MYBPC3: variants seen among roughly 807,000 people sequenced by gnomAD.
The protein encoded by MYBPC3 is myosin-binding protein C, cardiac-type.
A neutral mutation model predicts 159.3 loss-of-function variants in MYBPC3; 108 were observed. The observed-to-expected ratio is 0.68, with a 90% confidence interval of 0.58 to 0.80. The LOEUF (loss-of-function observed/expected upper bound fraction) is 0.80. Ranked by LOEUF, MYBPC3 falls within the 30% of genes least tolerant of loss-of-function variation. The pLI is 0.00. For missense variants in MYBPC3, 1,631 were observed against 1,762.1 expected (o/e 0.93, Z 1.33); for synonymous variants, 730 against 702.0 (o/e 1.04, Z -0.63).
Position 47,346,498 on chromosome 11 carries a change from C to T in MYBPC3, c.927-128G>A. ...TGCCCCTTCCCTTCTGGTGGGGCAG[C>T]TGGAGCTGCTCTGGGTCCCAGGCCA... On this transcript the variant is annotated intron_variant, in intron 11 of 34. Coordinates refer to ENST00000545968, the MANE Select transcript of MYBPC3 (RefSeq NM_000256.3). The surrounding 1 kb of genome is among the most constrained non-coding windows in gnomAD (Gnocchi z 5.3). The T allele has an allele frequency of 6.9e-7, 1 of 1,453,468 alleles. No individual in the cohort carries two copies. Among genetic ancestry groups the T allele is most frequent in the Non-Finnish European group, 9.2e-7 (1 of 1,088,356 alleles). The allele number at this position is 1,453,468 out of a possible 1,614,324, so 90.0% of individuals were successfully genotyped here. A position where few individuals can be genotyped will look rare whatever the true frequency, so the allele number is the denominator to read the frequency against.
intron 20 of MYBPC3, among the ~76,000 whole-genome samples, chr11:47,340,430 C>T (rs957038626): frequency 6.6e-6 from 1 of 152,144 alleles, no homozygotes; most frequent in African/African-American, 2.4e-5. Context: ...TTTGGGAGGC[C>T]GAGGCAGGCA....
Position 47,350,458 on chromosome 11 carries a change from G to A in MYBPC3, c.406+44C>T, listed in dbSNP as rs1418743407. The stretch of plus-strand genomic sequence containing the variant: ...GGCTTTTGAGACCTGCCCTGGACAC[G>A]CCCTACCCACGGATCCTGCCCCTCC... On this transcript the variant is annotated intron_variant, in intron 3 of 34. Transcript: ENST00000545968. 2.1e-5 allele frequency: 32 copies of A among 1,541,310 alleles called. No homozygotes were observed. The East Asian group carries it at 2.7e-4, about 13-fold the overall frequency.
At chr11:47,334,426 A>G (rs1426136416) in intron 27 of MYBPC3, among the ~76,000 whole-genome samples, 2 of 152,334 alleles carry the variant, frequency 1.3e-5, no homozygotes, top group African/African-American at 4.8e-5. Context: ...TGGATCCCAG[A>G]GGGACCAATC....
chr11:47,342,023 G>A lies in MYBPC3; in HGVS notation c.1758C>T (p.Pro586=), dbSNP rs727505203. 54 of 1,593,222 alleles carry A rather than the reference G, an allele frequency of 3.4e-5. No individual in the cohort carries two copies. Among genetic ancestry groups the A allele is most frequent in the Admixed American group, 5.4e-5 (3 of 56,014 alleles). Residue 586 remains proline (P), a synonymous_variant, in exon 18 of 35, where the codon CCC becomes CCT. Coordinates refer to ENST00000545968, the MANE Select transcript of MYBPC3 (RefSeq NM_000256.3). The part of the protein sequence containing the change: ...VWLKNGKELV[P]DSRIKVSHIG... ...TGTGGGACACCTTTATGCGGCTGTCGGGCACCAGCTCCTTCCCATTCTTCA... is the reference window on the plus strand; with the variant it reads ...TGTGGGACACCTTTATGCGGCTGTCAGGCACCAGCTCCTTCCCATTCTTCA...
Position 47,337,762 on chromosome 11 carries a change from T to C in MYBPC3, c.2341A>G (p.Ser781Gly), listed in dbSNP as rs2095884011. ...GTGCAGGAGTCCTCTCCCACGTTGC[T>C]GATCTTGGGGGCCGCAGGTGCGTCT... Reference protein sequence around the residue: ...VPDAPAAPKISNVGEDSCTVQ... With the variant: ...VPDAPAAPKIGNVGEDSCTVQ... Residue 781 changes from serine (S) to glycine (G), a missense_variant, in exon 24 of 35, where the codon AGC (serine) becomes GGC (glycine). Ser to Gly is a moderately conservative substitution (Grantham distance 56, BLOSUM62 0). Transcript: ENST00000545968. 1 of 1,554,646 alleles carries C rather than the reference T, an allele frequency of 6.4e-7. No homozygotes were observed. The highest frequency in any genetic ancestry group is 8.7e-7 in the Non-Finnish European group (1 of 1,148,940).
Position 47,339,376 on chromosome 11 carries a change from G to A in MYBPC3, c.2096C>T (p.Pro699Leu). The A allele has an allele frequency of 6.2e-7, 1 of 1,614,024 alleles. No individual in the cohort carries two copies. Among genetic ancestry groups the A allele is most frequent in the African/African-American group, 1.3e-5 (1 of 75,064 alleles). ...GTCACCTGTGTCCTCTGGGGCATCTGGGGCTGGCCTGGCTGGGGCCTTATT... is the reference window on the plus strand; with the variant it reads ...GTCACCTGTGTCCTCTGGGGCATCTAGGGCTGGCCTGGCTGGGGCCTTATT... ...QGNKAPARPA[P>L]DAPEDTGDSD... Residue 699 changes from proline to leucine, a missense_variant, in exon 22 of 35, where the codon CCA becomes CTA. Physicochemically the swap from Pro to Leu is moderately conservative, Grantham distance 98. Transcript: ENST00000545968.
In MYBPC3 at chr11:47,335,205, T is replaced by C; in HGVS notation, c.2742A>G (p.Ser914=). Residue 914 remains serine (S), a synonymous_variant, in exon 27 of 35, where the codon TCA becomes TCG. Transcript: ENST00000545968. ...GCCCCTGCAGGGCAGCCACCCACTC[T>C]GAGCCTGGGGGTGGGGAGGGGGAGG... The part of the protein sequence containing the change: ...YSVEYCPEGC[S]EWVAALQGLT... 6.3e-7 allele frequency: 1 copy of C among 1,589,012 alleles called. No individual in the cohort carries two copies. Among genetic ancestry groups the C allele is most frequent in the South Asian group, 1.1e-5 (1 of 87,656 alleles).
At position 47,332,982 on chromosome 11, in the gene MYBPC3, A is replaced by C. The variant is rs774200371; in HGVS notation, c.3331-9T>G. On this transcript the variant is annotated splice_polypyrimidine_tract_variant and intron_variant, in intron 30 of 34. Transcript: ENST00000545968. This position sits in a 1 kb window ranked among gnomAD's most constrained non-coding sequence, Gnocchi z 4.2. ...AAGACGGTGAACCACTCCTGGGGGCAGGGAGGGAGGGGAGGCATCTCTGGG... is the reference window on the plus strand; with the variant it reads ...AAGACGGTGAACCACTCCTGGGGGCCGGGAGGGAGGGGAGGCATCTCTGGG... The C allele has an allele frequency of 6.6e-7, 1 of 1,505,306 alleles. No homozygotes were observed. The highest frequency in any genetic ancestry group is 9.2e-7 in the Non-Finnish European group (1 of 1,085,200). 93.2% of individuals were successfully genotyped at this position (1,505,306 alleles called of 1,614,324 possible).
At position 47,333,509 on chromosome 11, in the gene MYBPC3, G is replaced by A. The variant is rs772507127; in HGVS notation, c.3190+48C>T. The A allele has an allele frequency of 1.8e-5, 29 of 1,595,840 alleles. No homozygotes were observed. The Admixed American group carries it at 4.7e-4, about 26-fold the overall frequency. On this transcript the variant is annotated intron_variant, in intron 29 of 34. Coordinates refer to ENST00000545968, the MANE Select transcript of MYBPC3 (RefSeq NM_000256.3). ...CCCCACCCTTGGCCCCAGCAGCCCA[G>A]CCCAGGGAAGGGAAACAAGGGGGCT...
At chr11:47,349,145 G>T (rs2095897715) in intron 5 of MYBPC3, among the ~76,000 whole-genome samples, 1 of 151,560 alleles carries the variant, frequency 6.6e-6, no homozygotes. Flanking sequence ...CCCTTGCCTA[G>T]CCCAGGACTG....
At chr11:47,340,177 GCA>G (rs534671332) in intron 20 of MYBPC3, among the ~76,000 whole-genome samples, 6 of 150,358 alleles carry the variant, frequency 4.0e-5, no homozygotes, top group East Asian at 1.9e-4. Context: ...ATACACACAT[GCA>G]CACACAGACA....
At position 47,338,435 on chromosome 11, in the gene MYBPC3, G is replaced by A; in HGVS notation, c.2308+85C>T. 6.3e-7 allele frequency: 1 copy of A among 1,580,762 alleles called. No homozygotes were observed. Among genetic ancestry groups the A allele is most frequent in the Admixed American group, 1.7e-5 (1 of 58,454 alleles). On this transcript the variant is annotated intron_variant, in intron 23 of 34. Transcript: ENST00000545968. The surrounding 1 kb of genome is among the most constrained non-coding windows in gnomAD (Gnocchi z 4.7). Reference sequence around the variant, plus strand: ...CTCAGGGAGCATGCCCGTGATGTTTGTCGAGTGGCTGAATGAGCGAACGGA... The same window carrying A: ...CTCAGGGAGCATGCCCGTGATGTTTATCGAGTGGCTGAATGAGCGAACGGA...
chr11:47,339,442 G>A, intron 21 of MYBPC3, 38 bp from the exon 22 acceptor site: 4 of 1,602,790 alleles, frequency 2.5e-6, no homozygotes, highest in Non-Finnish European at 3.4e-6. Flanking sequence ...GAGCAGAGGA[G>A]CTGACTCAGC....
Position 47,331,642 on chromosome 11 carries a change from A to G in MYBPC3, c.*101T>C. The G allele has an allele frequency of 3.4e-6, 2 of 585,644 alleles. No individual in the cohort carries two copies. The highest frequency in any genetic ancestry group is 6.0e-6 in the Non-Finnish European group (2 of 331,970). 36.3% of individuals were successfully genotyped at this position (585,644 alleles called of 1,614,324 possible). On this transcript the variant is annotated 3_prime_UTR_variant, in exon 35 of 35. Transcript: ENST00000545968. ...AGCACAGGAGACACACTTGTCACAC[A>G]TACATCCAACAGTAGGGAGGGGTTT... is the stretch of plus-strand genomic sequence containing the variant.
chr11:47,347,828 T>A (rs373081191), intron 7 of MYBPC3, 29 bp downstream of exon 7: 1 of 1,556,456 alleles, frequency 6.4e-7, no homozygotes, highest in South Asian at 1.2e-5. Context: ...AGCACTGGCC[T>A]CCCCCAGGCC....
At chr11:47,334,868 C>G (rs1024233773) in intron 27 of MYBPC3, among the ~76,000 whole-genome samples, 174 bp downstream of exon 27, 2 of 152,102 alleles carry the variant, frequency 1.3e-5, no homozygotes, top group Non-Finnish European at 1.5e-5. Flanking sequence ...TGGCCACCCT[C>G]TCTGCACTTT....
Position 47,333,637 on chromosome 11 carries a change from C to T in MYBPC3, c.3110G>A (p.Arg1037His), listed in dbSNP as rs750609594. 1.6e-5 allele frequency: 25 copies of T among 1,608,092 alleles called. No homozygotes were observed. The highest frequency in any genetic ancestry group is 8.9e-5 in the East Asian group (4 of 44,890). The change falls in exon 29 of 35, where the codon CGC (arginine) becomes CAC (histidine). Residue 1037 changes from arginine to histidine, a missense_variant. By Grantham distance (29) the Arg-to-His change is conservative. Coordinates refer to ENST00000545968, the MANE Select transcript of MYBPC3 (RefSeq NM_000256.3). ...CACCTGGTAAGTGCCTGAATGCACGCGGCGAGCGGCCCGGATGAACAGGAT... is the reference window on the plus strand; with the variant it reads ...CACCTGGTAAGTGCCTGAATGCACGTGGCGAGCGGCCCGGATGAACAGGAT... ...DTILFIRAAR[R>H]VHSGTYQVTV...
chr11:47,343,886 T>C (rs956674620), intron 12 of MYBPC3, among the ~76,000 whole-genome samples: 2 of 152,230 alleles, frequency 1.3e-5, no homozygotes, highest in African/African-American at 4.8e-5. Flanking sequence ...CCTCCCAGGT[T>C]CAAGTGATTC....
Position 47,333,176 on chromosome 11 carries a change from C to T in MYBPC3, c.3330+18G>A. 1 of 1,599,692 alleles carries T rather than the reference C, an allele frequency of 6.3e-7. No individual in the cohort carries two copies. On this transcript the variant is annotated intron_variant, in intron 30 of 34. Coordinates refer to ENST00000545968, the MANE Select transcript of MYBPC3 (RefSeq NM_000256.3). Reference sequence around the variant, plus strand: ...GCCTAGGCAGGGTGCACGTGGGGACCCCAGACCCTGGGCTCACCATGGTCT... The same window carrying T: ...GCCTAGGCAGGGTGCACGTGGGGACTCCAGACCCTGGGCTCACCATGGTCT...
Sources: gnomAD v4.1 joint callset for allele counts (sites outside exome capture counted in the v4.1 genomes callset) on GRCh38, gnomAD v4.1.1 for gene constraint, Gnocchi (gnomAD v3.1) non-coding constraint, MANE v1.5 for transcripts, NCBI Gene and HGNC (gene_info 2026-07-23, HGNC 2026-07-21) for gene names.